Variants in MCF2 observed in about 807,000 individuals in gnomAD.
MCF2 encodes proto-oncogene DBL.
In MCF2, 44 loss-of-function variants were observed where a neutral mutation model predicts 82.5. The observed-to-expected ratio is 0.53, with a 90% confidence interval of 0.42 to 0.69. The LOEUF is 0.69. Ranked by LOEUF, MCF2 falls within the 30% of genes least tolerant of loss-of-function variation. The probability of loss-of-function intolerance (pLI) is 0.00; values close to 1 mark genes in which losing one functional copy is unlikely to be tolerated. For synonymous variants in MCF2, 217 were observed against 224.9 expected (o/e 0.96, Z 0.32); for missense variants, 623 against 663.1 (o/e 0.94, Z 0.66).
chrX:139,674,929 G>A (rs995453487), intron 1 of MCF2, among the ~76,000 whole-genome samples: 6 of 112,208 alleles, frequency 5.3e-5, no homozygotes, highest in African/African-American at 1.6e-4. Flanking sequence ...TTCCAACTTG[G>A]TTCTTTCTCC....
intron 1 of MCF2, chrX:139,691,924 A>G: frequency 6.0e-6 from 7 of 1,165,923 alleles, no homozygotes; most frequent in Non-Finnish European, 8.0e-6. Context: ...CCTGCCACGA[A>G]GACTGCTTGC....
At chrX:139,610,681 CTCAA>C (rs1345886365) in intron 10 of MCF2, among the ~76,000 whole-genome samples, 1 of 112,112 alleles carries the variant, frequency 8.9e-6, no homozygotes, top group Non-Finnish European at 1.9e-5. Flanking sequence ...CATTGATTAA[CTCAA>C]TCAAAAAGAA....
chrX:139,632,907 A>C (rs1047656884), intron 1 of MCF2, among the ~76,000 whole-genome samples: 2 of 112,007 alleles, frequency 1.8e-5, no homozygotes, highest in Non-Finnish European at 1.9e-5. Flanking sequence ...AATCCAATCA[A>C]TATTTACTGA....
chrX:139,651,222 A>G (rs967748616), intron 2 of MCF2, among the ~76,000 whole-genome samples: 1 of 111,800 alleles, frequency 8.9e-6, no homozygotes, highest in Non-Finnish European at 1.9e-5. Flanking sequence ...ATTACTAAAA[A>G]TTATATACAA....
intron 1 of MCF2, among the ~76,000 whole-genome samples, chrX:139,706,911 A>T (rs995587193): frequency 3.6e-5 from 4 of 109,951 alleles, no homozygotes; most frequent in African/African-American, 1.3e-4. Context: ...ATTATTATTA[A>T]TAAAAGTTTA....
intron 1 of MCF2, among the ~76,000 whole-genome samples, chrX:139,664,464 G>C (rs1351817963): frequency 1.8e-5 from 2 of 111,222 alleles, no homozygotes; most frequent in East Asian, 2.8e-4. Flanking sequence ...TACTGGTAAG[G>C]TGAAGCCATA....
intron 1 of MCF2, among the ~76,000 whole-genome samples, chrX:139,677,066 A>C (rs1276741620): frequency 8.9e-6 from 1 of 112,045 alleles, no homozygotes; most frequent in Non-Finnish European, 1.9e-5. Context: ...GGGCTCATGC[A>C]TGCACACTAA....
chrX:139,627,277 C>T (rs1932784636), intron 4 of MCF2, among the ~76,000 whole-genome samples: 1 of 111,710 alleles, frequency 9.0e-6, no homozygotes, highest in South Asian at 3.7e-4. Context: ...GCAGTAGTAG[C>T]ACAATAAAAA....
At chrX:139,622,154 G>A (rs1177211123) in intron 6 of MCF2, among the ~76,000 whole-genome samples, 1 of 112,332 alleles carries the variant, frequency 8.9e-6, no homozygotes, top group African/African-American at 3.2e-5. Flanking sequence ...GGCCATCAGA[G>A]AAATGCAAAT....
chrX:139,657,609 T>C (rs1934233828), intron 1 of MCF2, among the ~76,000 whole-genome samples: 1 of 112,586 alleles, frequency 8.9e-6, no homozygotes, highest in Non-Finnish European at 1.9e-5. Flanking sequence ...AAGTAAAAGT[T>C]CACAATCAAG....
chrX:139,600,011 A>G (rs998253601), intron 16 of MCF2, among the ~76,000 whole-genome samples: 1 of 112,190 alleles, frequency 8.9e-6, no homozygotes, highest in African/African-American at 3.2e-5. Context: ...TACATGCTAC[A>G]ACATGGACGA....
chrX:139,677,886 G>C (rs1033293991), intron 1 of MCF2, among the ~76,000 whole-genome samples: 2 of 112,197 alleles, frequency 1.8e-5, no homozygotes, highest in African/African-American at 6.5e-5. Flanking sequence ...TTTTCAGCCA[G>C]GCACGATGGC....
chrX:139,613,371 C>A, intron 10 of MCF2, 108 bp from the exon 14 acceptor site: 1 of 576,993 alleles, frequency 1.7e-6, no homozygotes, highest in Non-Finnish European at 2.7e-6. Context: ...GGATCTGTAA[C>A]AGTCTCCTCA....
intron 1 of MCF2, among the ~76,000 whole-genome samples, chrX:139,673,733 C>T (rs1934777620): frequency 1.8e-5 from 2 of 111,747 alleles, no homozygotes. Context: ...GCTTTACTTC[C>T]AACTATGTGG....
intron 18 of MCF2, among the ~76,000 whole-genome samples, 178 bp downstream of exon 22, chrX:139,597,282 C>A (rs1240303126): frequency 9.0e-6 from 1 of 111,269 alleles, no homozygotes; most frequent in Non-Finnish European, 1.9e-5. Flanking sequence ...TCTCATAAAT[C>A]CATTTGGCTG....
At chrX:139,646,407 A>C (rs1238009440), upstream of MCF2, among the ~76,000 whole-genome samples, 1 of 112,049 alleles carries the variant, frequency 8.9e-6, no homozygotes, top group Non-Finnish European at 1.9e-5. Context: ...CCACTATTGA[A>C]TCTACTTAAG....
chrX:139,690,876 T>C (rs1306742913), intron 1 of MCF2, among the ~76,000 whole-genome samples: 1 of 111,684 alleles, frequency 9.0e-6, no homozygotes, highest in East Asian at 2.8e-4. Context: ...TGAAAAGCTC[T>C]GGCTGAACTT....
chrX:139,697,558 T>C (rs771484459), intron 1 of MCF2, among the ~76,000 whole-genome samples: 3 of 112,123 alleles, frequency 2.7e-5, no homozygotes, highest in Admixed American at 9.5e-5. Flanking sequence ...CTTAGATGTA[T>C]GTAAAAATCC....
At chrX:139,601,738 C>T (rs950854049) in intron 16 of MCF2, among the ~76,000 whole-genome samples, 3 of 111,120 alleles carry the variant, frequency 2.7e-5, no homozygotes, top group Non-Finnish European at 5.7e-5. Context: ...ATGACAGCTG[C>T]GCAACAAGCC....
Sources: gnomAD v4.1 joint callset for allele counts (sites outside exome capture counted in the v4.1 genomes callset) on GRCh38, gnomAD v4.1.1 for gene constraint, MANE v1.5 for transcripts, NCBI Gene and HGNC (gene_info 2026-07-23, HGNC 2026-07-21) for gene names.